Variants in PLXNC1 observed in about 807,000 individuals in gnomAD.
PLXNC1 encodes the protein plexin-C1.
A neutral mutation model predicts 178.2 loss-of-function variants in PLXNC1; 75 were observed. The observed-to-expected ratio is 0.42, with a 90% confidence interval of 0.35 to 0.51. The LOEUF is 0.51. Ranked by LOEUF, PLXNC1 falls within the 20% of genes least tolerant of loss-of-function variation. The pLI, the probability that PLXNC1 is intolerant of heterozygous loss-of-function variation, is 0.02. For synonymous variants in PLXNC1, 790 were observed against 779.9 expected, an observed-to-expected ratio of 1.01 and a Z score of -0.22; for missense variants, 1,503 against 1,984.4, an observed-to-expected ratio of 0.76 and a Z score of 4.61.
rs1964466146 is a variant in PLXNC1, at chr12:94,244,143, C to T, written c.2388+118C>T. 9 of 537,332 alleles carry T rather than the reference C, an allele frequency of 1.7e-5. 2 individuals carry two copies. The South Asian group carries it at 2.5e-4, about 15-fold the overall frequency. The allele number at this position is 537,332 out of a possible 1,614,324, so 33.3% of individuals were successfully genotyped here. ...GTGACTTTGGTGTTATAAACTTTTA[C>T]CTATGCTATCATATATTCTATCCAT... On this transcript the variant is annotated intron_variant, in intron 12 of 30. Transcript: ENST00000258526.
intron 6 of PLXNC1, among the ~76,000 whole-genome samples, chr12:94,223,073 C>T (rs910566634): frequency 6.6e-5 from 10 of 152,098 alleles, no homozygotes. Flanking sequence ...TTAGGGTTGC[C>T]AACGGAGTCA....
chr12:94,276,924 C>G (rs1966007696), intron 21 of PLXNC1: 1 of 152,164 alleles, frequency 6.6e-6, no homozygotes, highest in South Asian at 2.1e-4. Flanking sequence ...ACGGAGATCA[C>G]CGGCTTACCT....
chr12:94,219,976 G>T (rs1174876106), intron 5 of PLXNC1, 40 bp from the exon 6 acceptor site: 1 of 1,600,508 alleles, frequency 6.2e-7, no homozygotes, highest in African/African-American at 1.4e-5. Flanking sequence ...TGGAAATGAG[G>T]CAAAAATCAT....
intron 1 of PLXNC1, 23 bp downstream of exon 1, chr12:94,150,056 C>T: frequency 1.3e-6 from 2 of 1,526,510 alleles, no homozygotes; most frequent in Non-Finnish European, 1.8e-6. Flanking sequence ...CCCGGGGCGC[C>T]GCGGAGAGCG....
chr12:94,301,310 G>A (rs1272931435), intron 28 of PLXNC1, among the ~76,000 whole-genome samples: 1 of 152,184 alleles, frequency 6.6e-6, no homozygotes, highest in Non-Finnish European at 1.5e-5. Context: ...TTATCACAAA[G>A]TATGCGTTTT....
chr12:94,150,341 G>C lies in PLXNC1; in HGVS notation c.1062+308G>C, dbSNP rs1960911867. 2.0e-5 allele frequency among the ~76,000 whole-genome samples: 3 copies of C among 152,234 alleles called. 1 individual carries two copies. The South Asian group carries it at 6.2e-4, about 31-fold the overall frequency. ...CTTCCCTGTCCAAACGGGGACGCTT[G>C]TTTGGGGCTGAGTCTCCTCGCGCAG... On this transcript the variant is annotated intron_variant, in intron 1 of 30. Transcript: ENST00000258526.
At chr12:94,201,762 TTTTTTTTTTTTTTTTTTTTTTTTTG>T (rs1963129440) in intron 4 of PLXNC1, among the ~76,000 whole-genome samples, 1 of 105,960 alleles carries the variant, frequency 9.4e-6, no homozygotes. Flanking sequence ...TTTTTTTTTT[TTTTTTTTTTTTTTTTTTTTTTTTTG>T]AGACAGAGTC....
intron 5 of PLXNC1, among the ~76,000 whole-genome samples, chr12:94,211,866 A>G (rs1267587761): frequency 1.3e-5 from 2 of 152,274 alleles, no homozygotes; most frequent in African/African-American, 2.4e-5. Context: ...ATGTCTCTAT[A>G]TGATTATTTG....
At chr12:94,226,059 T>A (rs1464284070) in intron 7 of PLXNC1, among the ~76,000 whole-genome samples, 1 of 152,216 alleles carries the variant, frequency 6.6e-6, no homozygotes, top group African/African-American at 2.4e-5. Flanking sequence ...GCTTTTCAAG[T>A]CCTCCACAGT....
Position 94,149,703 on chromosome 12 carries a change from C to A in PLXNC1, c.732C>A (p.Ile244=). 5 of 1,612,060 alleles carry A rather than the reference C, an allele frequency of 3.1e-6. No homozygotes were observed. The highest frequency in any genetic ancestry group is 3.4e-6 in the Non-Finnish European group (4 of 1,179,336). The part of the protein sequence containing the change: ...FVDAFLWNGS[I]YFPYYPYNYT... ...ACGCCTTTCTCTGGAACGGCAGCAT[C>A]TACTTCCCCTACTACCCCTACAACT... is the stretch of plus-strand genomic sequence containing the variant. Residue 244 remains isoleucine, a synonymous_variant, in exon 1 of 31, where the codon ATC becomes ATA. Transcript: ENST00000258526.
chr12:94,168,834 C>T (rs902160744), intron 1 of PLXNC1, among the ~76,000 whole-genome samples: 28 of 152,300 alleles, frequency 1.8e-4, no homozygotes, highest in Non-Finnish European at 3.2e-4. Flanking sequence ...CCCAATTCAG[C>T]GGTGGGCTGT....
At chr12:94,290,935 GCCAC>G (rs1424611238) in intron 23 of PLXNC1, among the ~76,000 whole-genome samples, 1 of 152,130 alleles carries the variant, frequency 6.6e-6, no homozygotes, top group African/African-American at 2.4e-5. Context: ...CCTCCTTCTT[GCCAC>G]CCGTTTGTCT....
At chr12:94,285,843 G>A (rs973182535) in intron 23 of PLXNC1, among the ~76,000 whole-genome samples, 1 of 152,120 alleles carries the variant, frequency 6.6e-6, no homozygotes, top group Non-Finnish European at 1.5e-5. Flanking sequence ...CCCTCCTCTG[G>A]TGCTGTTGAC....
chr12:94,216,008 G>A (rs574172938), intron 5 of PLXNC1, among the ~76,000 whole-genome samples: 12 of 152,290 alleles, frequency 7.9e-5, no homozygotes, highest in Non-Finnish European at 1.3e-4. Flanking sequence ...GCTCATGCCT[G>A]TAATCCCAGC....
chr12:94,290,942 G>A (rs1412231338), intron 23 of PLXNC1, among the ~76,000 whole-genome samples: 1 of 152,144 alleles, frequency 6.6e-6, no homozygotes, highest in East Asian at 1.9e-4. Context: ...CTTGCCACCC[G>A]TTTGTCTTGT....
In PLXNC1 at chr12:94,150,052, G is replaced by A. The variant is rs1178815316; in HGVS notation, c.1062+19G>A. 4.5e-6 allele frequency: 7 copies of A among 1,542,452 alleles called. No individual in the cohort carries two copies. Among genetic ancestry groups the A allele is most frequent in the Non-Finnish European group, 6.1e-6 (7 of 1,147,762 alleles). On this transcript the variant is annotated intron_variant, in intron 1 of 30. Transcript: ENST00000258526. ...CCACTGCGTAAGTCCTGCCCCCGGG[G>A]CGCCGCGGAGAGCGCTGCTGCCGGG...
chr12:94,281,656 A>G (rs535775376), intron 22 of PLXNC1, among the ~76,000 whole-genome samples: 35 of 152,312 alleles, frequency 2.3e-4, no homozygotes, highest in African/African-American at 8.4e-4. Flanking sequence ...CCTAGCCTCA[A>G]GTAATCCCCC....
At chr12:94,237,833 G>A (rs769251281) in intron 10 of PLXNC1, 30 bp downstream of exon 10, 10 of 1,606,370 alleles carry the variant, frequency 6.2e-6, no homozygotes, top group East Asian at 4.5e-5. Context: ...ATTTATCCTC[G>A]GTAACGTAAC....
At chr12:94,301,123 A>ATG in intron 28 of PLXNC1, 66 bp downstream of exon 28, 1 of 1,438,622 alleles carries the variant, frequency 7.0e-7, no homozygotes, top group Non-Finnish European at 9.7e-7. Context: ...TCTTTCTGAT[A>ATG]AGCATTCAAA....
Sources: allele counts gnomAD v4.1 joint callset (sites outside exome capture counted in the v4.1 genomes callset), GRCh38; gene constraint gnomAD v4.1.1; transcripts MANE v1.5; gene names NCBI Gene and HGNC (gene_info 2026-07-23, HGNC 2026-07-21).